Variants in ABRAXAS2 observed in about 807,000 individuals in gnomAD.
ABRAXAS2 encodes abraxas 2, BRISC complex subunit.
In ABRAXAS2, 23 loss-of-function variants were observed where a neutral mutation model predicts 49.0. The observed-to-expected ratio is 0.47, with a 90% CI of 0.34 to 0.66. The LOEUF (loss-of-function observed/expected upper bound fraction) is 0.66. ABRAXAS2 is among the 30% of genes least tolerant of loss of function. The pLI is 0.01. For synonymous variants in ABRAXAS2, 168 were observed against 180.2 expected (o/e 0.93, Z 0.54); for missense variants, 443 against 511.9 (o/e 0.87, Z 1.30).
intron 2 of ABRAXAS2, chr10:124,815,007 G>A (rs551860562): frequency 3.3e-5 from 5 of 151,824 alleles, no homozygotes; most frequent in Admixed American, 6.6e-5. Context: ...GTAGAACAAG[G>A]GTTTAGTCTG....
At chr10:124,829,246 T>A in intron 6 of ABRAXAS2, 147 bp from the exon 7 acceptor site, 1 of 616,520 alleles carries the variant, frequency 1.6e-6, no homozygotes, top group Non-Finnish European at 2.9e-6. Flanking sequence ...CTTCTGTAAT[T>A]CTTGTGGTAT....
rs759088149 is a variant in ABRAXAS2 at position 124,806,820 on chromosome 10, ATTACT to A, written c.73-8_73-4del. 3.8e-6 allele frequency: 6 copies of A among 1,562,458 alleles called. No individual in the cohort carries two copies. The highest frequency in any genetic ancestry group is 5.2e-6 in the Non-Finnish European group (6 of 1,145,450). On this transcript the variant is annotated splice_region_variant and splice_polypyrimidine_tract_variant and intron_variant, in intron 1 of 8. Transcript: ENST00000298492. ...TTTTAGTCTGCAATTATTTTCTTTA[ATTACT>A]TTTAGGAAGGATTTTTACTGGGAGA...
At chr10:124,812,758 TAAAG>T (rs1216788013) in intron 2 of ABRAXAS2, among the ~76,000 whole-genome samples, 1 of 152,204 alleles carries the variant, frequency 6.6e-6, no homozygotes, top group African/African-American at 2.4e-5. Context: ...ACCAGTTGTA[TAAAG>T]AGATTTTCTG....
At chr10:124,817,400 T>A (rs10901827) in intron 3 of ABRAXAS2, among the ~76,000 whole-genome samples, 1 of 151,940 alleles carries the variant, frequency 6.6e-6, no homozygotes, top group Non-Finnish European at 1.5e-5. Flanking sequence ...CTCACTGGAC[T>A]TCCCCCCAAA....
intron 1 of ABRAXAS2, among the ~76,000 whole-genome samples, chr10:124,804,790 T>C (rs980960856): frequency 1.3e-5 from 2 of 149,778 alleles, no homozygotes; most frequent in Non-Finnish European, 3.0e-5. Flanking sequence ...CTTGGCTCAC[T>C]GCAACCTCTG....
chr10:124,806,745 A>C (rs1432204349), intron 1 of ABRAXAS2, 86 bp from the exon 2 acceptor site: 2 of 865,176 alleles, frequency 2.3e-6, no homozygotes, highest in Non-Finnish European at 3.6e-6. Flanking sequence ...TGAAAATTAT[A>C]AATTTATATG....
intron 2 of ABRAXAS2, 28 bp downstream of exon 2, chr10:124,806,949 A>G (rs201425106): frequency 2.8e-6 from 4 of 1,427,856 alleles, no homozygotes; most frequent in Non-Finnish European, 3.9e-6. Context: ...TGACCTTAGA[A>G]ATATCTTTTT....
chr10:124,813,329 G>T (rs2134161940), intron 2 of ABRAXAS2, among the ~76,000 whole-genome samples: 1 of 152,362 alleles, frequency 6.6e-6, no homozygotes, highest in South Asian at 2.1e-4. Flanking sequence ...TCTAGGAGTA[G>T]CAGGGAGAAG....
At position 124,806,869 on chromosome 10, in the gene ABRAXAS2, G is replaced by T; in HGVS notation, c.111G>T (p.Thr37=). Residue 37 remains threonine (T), a synonymous_variant, in exon 2 of 9, where the codon ACG becomes ACT. Transcript: ENST00000298492. ...TGGGAGAGGTAAGACAAGAGGAAAC[G>T]TTTAGCATCAGTGACTCACAAATCA... The part of the protein sequence containing the change: ...FLLGEVRQEE[T]FSISDSQISN... The T allele has an allele frequency of 6.2e-7, 1 of 1,611,888 alleles. No homozygotes were observed. The highest frequency in any genetic ancestry group is 8.5e-7 in the Non-Finnish European group (1 of 1,178,868).
intron 4 of ABRAXAS2, 145 bp from the exon 5 acceptor site, chr10:124,826,450 C>T: frequency 5.9e-6 from 4 of 680,942 alleles, no homozygotes; most frequent in South Asian, 5.8e-5. Context: ...TTTATCCATG[C>T]TCCTGCTCAT....
intron 3 of ABRAXAS2, 26 bp from the exon 4 acceptor site, chr10:124,819,358 G>C: frequency 6.2e-7 from 1 of 1,601,548 alleles, no homozygotes. Flanking sequence ...TGTGGTGTTA[G>C]TACAAGATTT....
chr10:124,804,182 C>T (rs1316271779), intron 1 of ABRAXAS2, among the ~76,000 whole-genome samples: 1 of 152,136 alleles, frequency 6.6e-6, no homozygotes, highest in Non-Finnish European at 1.5e-5. Flanking sequence ...AGATTACAGG[C>T]GTGACCCACC....
chr10:124,813,217 A>G (rs1482490733), intron 2 of ABRAXAS2, among the ~76,000 whole-genome samples: 1 of 152,182 alleles, frequency 6.6e-6, no homozygotes, highest in African/African-American at 2.4e-5. Flanking sequence ...AACAAAAAAG[A>G]ATATCACATT....
At chr10:124,810,924 T>C (rs1286815702) in intron 2 of ABRAXAS2, among the ~76,000 whole-genome samples, 1 of 149,954 alleles carries the variant, frequency 6.7e-6, no homozygotes, top group Non-Finnish European at 1.5e-5. Context: ...CTTAATTCTT[T>C]AAAACCCTAA....
intron 8 of ABRAXAS2, among the ~76,000 whole-genome samples, chr10:124,833,452 G>A (rs1210202925): frequency 4.6e-5 from 7 of 152,174 alleles, no homozygotes; most frequent in Non-Finnish European, 7.3e-5. Context: ...GTGACAGAGT[G>A]AGACCCTGTC....
At chr10:124,812,464 G>A (rs2629559) in intron 2 of ABRAXAS2, among the ~76,000 whole-genome samples, 1 of 152,058 alleles carries the variant, frequency 6.6e-6, no homozygotes, top group African/African-American at 2.4e-5. Context: ...GGACAATATA[G>A]CGAGACCCTG....
In ABRAXAS2 at chr10:124,817,299, T is replaced by A. The variant is rs902598162; in HGVS notation, c.200+687T>A. ...ACTAAAGGACAGAACGAAAAAGAAA[T>A]AAAGGGAGAAACGTTCGGAAAGGAG... On this transcript the variant is annotated intron_variant, in intron 3 of 8. Coordinates refer to ENST00000298492, the MANE Select transcript of ABRAXAS2 (RefSeq NM_032182.4). 1.3e-5 allele frequency among the ~76,000 whole-genome samples: 2 copies of A among 151,792 alleles called. 1 individual carries two copies. Among genetic ancestry groups the A allele is most frequent in the Admixed American group, 1.3e-4 (2 of 15,222 alleles).
At chr10:124,807,451 G>A (rs925702851) in intron 2 of ABRAXAS2, among the ~76,000 whole-genome samples, 3 of 151,240 alleles carry the variant, frequency 2.0e-5, no homozygotes, top group African/African-American at 4.8e-5. Context: ...TCAGAAGTTC[G>A]AGACCAGCCT....
chr10:124,808,570 G>A (rs1036784307), intron 2 of ABRAXAS2, among the ~76,000 whole-genome samples: 6 of 152,120 alleles, frequency 3.9e-5, no homozygotes, highest in Admixed American at 3.3e-4. Flanking sequence ...CTAGAGCTGC[G>A]GGGAGGATTA....
Sources: gnomAD v4.1 joint callset for allele counts (sites outside exome capture counted in the v4.1 genomes callset) on GRCh38, gnomAD v4.1.1 for gene constraint, MANE v1.5 for transcripts, NCBI Gene and HGNC (gene_info 2026-07-23, HGNC 2026-07-21) for gene names.